FAM83D: variants seen among roughly 807,000 people sequenced by gnomAD.
FAM83D encodes protein FAM83D.
FAM83D carries 26 observed loss-of-function variants against 25.4 expected under a neutral mutation model. The ratio of observed to expected loss-of-function variants is 1.02; its 90% CI spans 0.75 to 1.42. FAM83D has a LOEUF of 1.42. Ranked by LOEUF, FAM83D falls within the 40% of genes most tolerant of loss-of-function variation. The probability of loss-of-function intolerance (pLI) is 0.00; values close to 1 mark genes in which losing one functional copy is unlikely to be tolerated. For synonymous variants in FAM83D, 310 were observed against 318.5 expected (o/e 0.97, Z 0.28); for missense variants, 740 against 758.1 (o/e 0.98, Z 0.28).
intron 1 of FAM83D, among the ~76,000 whole-genome samples, chr20:38,932,810 C>T (rs1157603205): frequency 1.3e-5 from 2 of 152,190 alleles, no homozygotes; most frequent in Non-Finnish European, 2.9e-5. Context: ...CTCAGAGTCA[C>T]GTTTCTTACC....
intron 2 of FAM83D, among the ~76,000 whole-genome samples, chr20:38,944,895 C>T (rs1027944053): frequency 8.0e-5 from 12 of 150,894 alleles, no homozygotes; most frequent in African/African-American, 2.4e-4. Flanking sequence ...GCCGAGATCG[C>T]GCCACTGCAC....
intron 2 of FAM83D, among the ~76,000 whole-genome samples, chr20:38,946,540 A>G (rs1365035568): frequency 6.6e-6 from 1 of 152,128 alleles, no homozygotes; most frequent in African/African-American, 2.4e-5. Context: ...AGTTTCCATC[A>G]CCACAAAGAT....
chr20:38,928,283 G>A (rs1191873775), intron 1 of FAM83D, among the ~76,000 whole-genome samples: 1 of 152,202 alleles, frequency 6.6e-6, no homozygotes, highest in Non-Finnish European at 1.5e-5. Context: ...AGGTTGACAT[G>A]TCCAAGCCCC....
At chr20:38,941,878 G>C (rs1414807813) in intron 1 of FAM83D, 81 bp from the exon 2 acceptor site, 29 of 1,381,902 alleles carry the variant, frequency 2.1e-5, no homozygotes, top group Non-Finnish European at 3.0e-5. Flanking sequence ...CCAGTTCTGA[G>C]TGGAGTCCAG....
rs777444883 is a variant in FAM83D at position 38,947,888 on chromosome 20, C to T, written c.664C>T (p.Arg222Trp). 17 of 1,613,822 alleles carry T rather than the reference C, an allele frequency of 1.1e-5. No individual in the cohort carries two copies. The highest frequency in any genetic ancestry group is 2.7e-5 in the African/African-American group (2 of 74,892). The change falls in exon 3 of 4, where the codon CGG becomes TGG. Residue 222 changes from arginine to tryptophan, a missense_variant. By Grantham distance (101) the Arg-to-Trp change is moderately radical (BLOSUM62 -3). Transcript: ENST00000619850. Reference protein sequence around the residue: ...HPEQEKLMTVRTITGNIYYAR... With the variant: ...HPEQEKLMTVWTITGNIYYAR... ...TCCCTGCCAACAGTTAATGACAGTTCGGACTATCACAGGAAATATCTACTA... is the reference window on the plus strand; with the variant it reads ...TCCCTGCCAACAGTTAATGACAGTTTGGACTATCACAGGAAATATCTACTA...
At chr20:38,927,016 T>C in intron 1 of FAM83D, 91 bp downstream of exon 1, 2 of 1,393,568 alleles carry the variant, frequency 1.4e-6, no homozygotes, top group Non-Finnish European at 1.8e-6. Flanking sequence ...CCGGGGCCAC[T>C]ACCTCCTCTG....
chr20:38,932,881 C>T (rs531616408), intron 1 of FAM83D, among the ~76,000 whole-genome samples: 1 of 152,318 alleles, frequency 6.6e-6, no homozygotes, highest in South Asian at 2.1e-4. Context: ...CCTCGGGCAT[C>T]CTCTTGATAA....
At chr20:38,950,856 G>A (rs984680501) in intron 3 of FAM83D, among the ~76,000 whole-genome samples, 3 of 146,484 alleles carry the variant, frequency 2.0e-5, no homozygotes, top group Admixed American at 1.4e-4. Context: ...ATGGAATCTC[G>A]CCCAGTCATG....
In FAM83D at chr20:38,951,683, C is replaced by A; in HGVS notation, c.921C>A (p.Ser307Arg). The change falls in exon 4 of 4, where the codon AGC becomes AGA. Residue 307 changes from serine to arginine, a missense_variant. Transcript: ENST00000619850. ...ISPKLLSHFQ[S>R]SNKFDHLTNR... Reference sequence around the variant, plus strand: ...CCAAACTCCTGTCTCACTTCCAGAGCAGCAACAAGTTTGATCACCTCACCA... The same window carrying A: ...CCAAACTCCTGTCTCACTTCCAGAGAAGCAACAAGTTTGATCACCTCACCA... The A allele has an allele frequency of 6.2e-7, 1 of 1,614,214 alleles. No individual in the cohort carries two copies. The highest frequency in any genetic ancestry group is 8.5e-7 in the Non-Finnish European group (1 of 1,180,042).
At chr20:38,942,872 C>G (rs566002277) in intron 2 of FAM83D, among the ~76,000 whole-genome samples, 15 of 152,240 alleles carry the variant, frequency 9.9e-5, no homozygotes, top group African/African-American at 3.6e-4. Context: ...ACTGTCCTGC[C>G]TCTTAATAGA....
At chr20:38,938,924 T>C (rs1332320924) in intron 1 of FAM83D, among the ~76,000 whole-genome samples, 2 of 152,244 alleles carry the variant, frequency 1.3e-5, no homozygotes, top group Non-Finnish European at 2.9e-5. Flanking sequence ...ACCAATCTCT[T>C]CTGGCATCAG....
At chr20:38,942,267 C>T in intron 2 of FAM83D, 141 bp downstream of exon 2, 5 of 879,312 alleles carry the variant, frequency 5.7e-6, no homozygotes, top group Non-Finnish European at 9.0e-6. Context: ...CCTGGTCTTA[C>T]AGAAAACAAA....
At chr20:38,938,988 A>C (rs1441663892) in intron 1 of FAM83D, among the ~76,000 whole-genome samples, 2 of 152,164 alleles carry the variant, frequency 1.3e-5, no homozygotes, top group South Asian at 4.1e-4. Context: ...TTATACAGGC[A>C]ATGTGGGGAA....
chr20:38,930,031 A>G (rs1371698226), intron 1 of FAM83D, among the ~76,000 whole-genome samples: 1 of 152,214 alleles, frequency 6.6e-6, no homozygotes, highest in African/African-American at 2.4e-5. Context: ...GCCTGTGCTC[A>G]GGTGGGGAGA....
At chr20:38,937,584 A>G (rs1383206054) in intron 1 of FAM83D, among the ~76,000 whole-genome samples, 1 of 152,224 alleles carries the variant, frequency 6.6e-6, no homozygotes, top group Non-Finnish European at 1.5e-5. Context: ...GCTGGGACAC[A>G]GGAATGGGGG....
At chr20:38,943,053 C>T (rs1443545517) in intron 2 of FAM83D, among the ~76,000 whole-genome samples, 2 of 148,954 alleles carry the variant, frequency 1.3e-5, no homozygotes, top group African/African-American at 2.5e-5. Context: ...GAGATAGAGT[C>T]TCACTCTGTT....
rs2085705314 is a variant in FAM83D, at chr20:38,942,105, A to C, written c.630A>C (p.Lys210Asn). Residue 210 changes from lysine to asparagine, a missense_variant, in exon 2 of 4, where the codon AAA becomes AAC. Transcript: ENST00000619850. ...TTCTGGATATGTGCATGGATCTGAAAGTTCATCCTGAACAGGAAAAGGTTT... is the reference window on the plus strand; with the variant it reads ...TTCTGGATATGTGCATGGATCTGAACGTTCATCCTGAACAGGAAAAGGTTT... The part of the protein sequence containing the change: ...SQFLDMCMDL[K>N]VHPEQEKLMT... 1 of 1,614,248 alleles carries C rather than the reference A, an allele frequency of 6.2e-7. No homozygotes were observed.
chr20:38,948,094 C>T (rs1007162606), intron 3 of FAM83D, 94 bp downstream of exon 3: 2 of 1,443,302 alleles, frequency 1.4e-6, no homozygotes, highest in Non-Finnish European at 1.9e-6. Flanking sequence ...CAATGGGAGC[C>T]TGTATGGCCA....
At chr20:38,933,461 T>C (rs2085666174) in intron 1 of FAM83D, among the ~76,000 whole-genome samples, 2 of 152,252 alleles carry the variant, frequency 1.3e-5, no homozygotes, top group Non-Finnish European at 1.5e-5. Context: ...CTAAATGCCC[T>C]GTGGGGGCAA....
Sources: gnomAD v4.1 joint callset for allele counts (sites outside exome capture counted in the v4.1 genomes callset) on GRCh38, gnomAD v4.1.1 for gene constraint, MANE v1.5 for transcripts, NCBI Gene and HGNC (gene_info 2026-07-23, HGNC 2026-07-21) for gene names.